Variants in ERG observed in about 807,000 individuals in gnomAD.
ERG encodes the protein transcriptional regulator ERG.
In ERG, 9 loss-of-function variants were observed where a neutral mutation model predicts 55.3. That is an observed-to-expected ratio of 0.16 (90% CI 0.10 to 0.28). ERG has a LOEUF of 0.28. Among genes scored for constraint, ERG ranks in the 10% least tolerant of loss-of-function variants. ERG has a pLI of 1.00. For missense variants in ERG, 434 were observed against 631.6 expected (o/e 0.69, Z 3.35); for synonymous variants, 223 against 237.3 (o/e 0.94, Z 0.55).
intron 1 of ERG, among the ~76,000 whole-genome samples, chr21:38,478,904 A>G (rs767587372): frequency 1.3e-5 from 2 of 152,178 alleles, no homozygotes; most frequent in Non-Finnish European, 2.9e-5. Context: ...CTTGACACAT[A>G]GAATGGGGGT....
At chr21:38,627,758 G>C (rs934253917) in intron 1 of ERG, among the ~76,000 whole-genome samples, 3 of 152,132 alleles carry the variant, frequency 2.0e-5, no homozygotes, top group Non-Finnish European at 4.4e-5. Context: ...TAGACAGCCA[G>C]ACTTTCTTAT....
chr21:38,612,827 C>T (rs1026962632), intron 1 of ERG, among the ~76,000 whole-genome samples: 3 of 152,050 alleles, frequency 2.0e-5, no homozygotes, highest in Admixed American at 2.0e-4. Flanking sequence ...CCATGCCTGG[C>T]TAATTTTGTA....
chr21:38,553,637 A>G (rs1334708672), intron 2 of ERG, among the ~76,000 whole-genome samples: 1 of 152,222 alleles, frequency 6.6e-6, no homozygotes, highest in African/African-American at 2.4e-5. Context: ...CATATGCAGA[A>G]GATTGAAACT....
At chr21:38,441,464 GACCTGCCCACTCCCACA>G (rs1352995317) in intron 2 of ERG, among the ~76,000 whole-genome samples, 1 of 152,124 alleles carries the variant, frequency 6.6e-6, no homozygotes, top group Non-Finnish European at 1.5e-5. Context: ...GCAGATCTCA[GACCTGCCCACTCCCACA>G]ACTGCATTAG....
intron 2 of ERG, among the ~76,000 whole-genome samples, chr21:38,426,694 G>A (rs1989840377): frequency 6.6e-6 from 1 of 152,160 alleles, no homozygotes; most frequent in Non-Finnish European, 1.5e-5. Flanking sequence ...ACTTTGGGAG[G>A]CCGAGCTGGG....
At chr21:38,425,575 C>A (rs1045944895) in intron 2 of ERG, among the ~76,000 whole-genome samples, 3 of 152,170 alleles carry the variant, frequency 2.0e-5, no homozygotes, top group Non-Finnish European at 4.4e-5. Flanking sequence ...TTGTCTAAGG[C>A]GGATTTCCAG....
chr21:38,558,422 G>T (rs2146830531), intron 2 of ERG, among the ~76,000 whole-genome samples: 1 of 152,214 alleles, frequency 6.6e-6, no homozygotes, highest in South Asian at 2.1e-4. Flanking sequence ...TTTAAGACAG[G>T]GTGAATCACA....
intron 1 of ERG, among the ~76,000 whole-genome samples, chr21:38,456,314 G>A (rs1189650549): frequency 1.3e-5 from 2 of 152,138 alleles, no homozygotes; most frequent in Admixed American, 6.6e-5. Context: ...TGTGCTAATG[G>A]TAAGAAGCTA....
At chr21:38,415,609 G>A (rs73434940) in intron 3 of ERG, among the ~76,000 whole-genome samples, 6,904 of 152,130 alleles carry the variant, frequency 0.045, 510 homozygotes, top group African/African-American at 0.16. Flanking sequence ...GTTCAGGGAC[G>A]TAACAAAGAA....
At chr21:38,596,098 A>C (rs2060130172) in intron 1 of ERG, among the ~76,000 whole-genome samples, 1 of 151,424 alleles carries the variant, frequency 6.6e-6, no homozygotes. Flanking sequence ...GAACATCTTA[A>C]TATTTTGTAA....
rs536233560 is a variant in ERG, at chr21:38,493,082, A to T, written c.18+5281T>A. On this transcript the variant is annotated intron_variant, in intron 1 of 9. Coordinates refer to ENST00000288319, the MANE Select transcript of ERG (RefSeq NM_182918.4). ...GAGAATAATCTGGTAATTATTTTTTAAATTGGCAAATATTTAAATTTGGCA... is the reference window on the plus strand; with the variant it reads ...GAGAATAATCTGGTAATTATTTTTTTAATTGGCAAATATTTAAATTTGGCA... 4.3e-4 allele frequency among the ~76,000 whole-genome samples: 65 copies of T among 152,298 alleles called. 2 individuals carry two copies. In the South Asian group the frequency reaches 0.011, roughly 26 times the overall value.
At chr21:38,617,937 G>A (rs2060268042) in intron 1 of ERG, among the ~76,000 whole-genome samples, 1 of 152,212 alleles carries the variant, frequency 6.6e-6, no homozygotes, top group Non-Finnish European at 1.5e-5. Context: ...ACAGATGACA[G>A]AAGGAAGAGA....
At position 38,383,091 on chromosome 21, in the gene ERG, C is replaced by T. The variant is rs1004732053; in HGVS notation, c.*312G>A. 3 of 1,126,198 alleles carry T rather than the reference C, an allele frequency of 2.7e-6. No individual in the cohort carries two copies. The highest frequency in any genetic ancestry group is 3.3e-6 in the Non-Finnish European group (3 of 920,436). 69.8% of individuals were successfully genotyped at this position (1,126,198 alleles called of 1,614,324 possible). A position where few individuals can be genotyped will look rare whatever the true frequency, so the allele number is the denominator to read the frequency against. ...TCCAAACTCTACTCTAAAGTTTATA[C>T]ATTTCTTAAGACCACTTTCTTTGGC... On this transcript the variant is annotated 3_prime_UTR_variant, in exon 10 of 10. Coordinates refer to ENST00000288319, the MANE Select transcript of ERG (RefSeq NM_182918.4). The surrounding 1 kb of genome is among the most constrained non-coding windows in gnomAD (Gnocchi z 5.7).
chr21:38,582,290 G>C (rs2060035057), intron 1 of ERG, among the ~76,000 whole-genome samples: 1 of 152,162 alleles, frequency 6.6e-6, no homozygotes, highest in Non-Finnish European at 1.5e-5. Flanking sequence ...ACTTGTAACT[G>C]GCATCTGAAG....
intron 1 of ERG, among the ~76,000 whole-genome samples, chr21:38,634,390 A>C (rs1387825521): frequency 6.6e-6 from 1 of 152,184 alleles, no homozygotes; most frequent in East Asian, 1.9e-4. Flanking sequence ...GCTGTGCATA[A>C]CGGGAATGGC....
chr21:38,555,654 A>C (rs977370261), intron 2 of ERG, among the ~76,000 whole-genome samples: 2 of 152,186 alleles, frequency 1.3e-5, no homozygotes, highest in South Asian at 4.1e-4. Flanking sequence ...AAGAAGAAAA[A>C]TTCAAGTCCA....
At chr21:38,436,696 T>A (rs982202328) in intron 2 of ERG, among the ~76,000 whole-genome samples, 2 of 152,326 alleles carry the variant, frequency 1.3e-5, no homozygotes, top group Middle Eastern at 6.8e-3. Context: ...TAATAAATCA[T>A]GTGGGTTTTA....
At chr21:38,471,237 T>A (rs1377997122) in intron 1 of ERG, 1 of 152,228 alleles carries the variant, frequency 6.6e-6, no homozygotes, top group Admixed American at 6.5e-5. Flanking sequence ...GGTTCTCAAC[T>A]AGAGGCAATG....
chr21:38,518,757 A>G (rs1193184870), intron 2 of ERG, among the ~76,000 whole-genome samples: 1 of 152,162 alleles, frequency 6.6e-6, no homozygotes, highest in Non-Finnish European at 1.5e-5. Flanking sequence ...AAACACTAAG[A>G]GTAAAGGAAA....
Sources: gnomAD v4.1 joint callset for allele counts (sites outside exome capture counted in the v4.1 genomes callset) on GRCh38, gnomAD v4.1.1 for gene constraint, Gnocchi (gnomAD v3.1) non-coding constraint, MANE v1.5 for transcripts, NCBI Gene and HGNC (gene_info 2026-07-23, HGNC 2026-07-21) for gene names.